Variants in KMT2E observed in about 807,000 individuals in gnomAD.
KMT2E encodes lysine methyltransferase 2E (inactive).
A neutral mutation model predicts 184.6 loss-of-function variants in KMT2E; 30 were observed. The observed-to-expected ratio is 0.16, with a 90% CI of 0.12 to 0.22. The LOEUF (loss-of-function observed/expected upper bound fraction) is 0.22. Ranked by LOEUF, KMT2E falls within the 10% of genes least tolerant of loss-of-function variation. The pLI is 1.00. For synonymous variants in KMT2E, 815 were observed against 776.5 expected, an observed-to-expected ratio of 1.05 and a Z score of -0.82; for missense variants, 2,023 against 2,237.4, an observed-to-expected ratio of 0.90 and a Z score of 1.93.
chr7:105,102,042 C>T lies in KMT2E; in HGVS notation c.2044C>T (p.Pro682Ser), dbSNP rs1231836406. 6.2e-7 allele frequency: 1 copy of T among 1,613,878 alleles called. No individual in the cohort carries two copies. The highest frequency in any genetic ancestry group is 1.3e-5 in the African/African-American group (1 of 75,006). Residue 682 changes from proline (P) to serine (S), a missense_variant, in exon 17 of 27, where the codon CCT becomes TCT. Transcript: ENST00000311117. ...SMCSDIQPSS[P>S]DIEVTSQQND... ...GTGTTCAGATATCCAGCCATCTTCT[C>T]CTGATATAGAAGTTACTTCACAACA... is the stretch of plus-strand genomic sequence containing the variant.
intron 17 of KMT2E, chr7:105,102,809 T>C (rs189524365): frequency 3.9e-5 from 6 of 152,418 alleles, no homozygotes; most frequent in Middle Eastern, 3.4e-3. Flanking sequence ...TGTTTAGGGG[T>C]AGATCATGAA....
intron 13 of KMT2E, 55 bp from the exon 14 acceptor site, chr7:105,089,954 A>G: frequency 1.3e-6 from 2 of 1,577,972 alleles, no homozygotes; most frequent in Non-Finnish European, 1.7e-6. Flanking sequence ...GGATTAGAAA[A>G]TTTCCAGTTT....
chr7:105,034,869 T>TG (rs1795570284), intron 1 of KMT2E, among the ~76,000 whole-genome samples: 1 of 19,904 alleles, frequency 5.0e-5, no homozygotes, highest in African/African-American at 1.9e-4. Context: ...GGTGGGGGGG[T>TG]GGGGGGATGG....
intron 15 of KMT2E, among the ~76,000 whole-genome samples, chr7:105,094,399 A>G (rs1798323256): frequency 6.6e-6 from 1 of 152,208 alleles, no homozygotes; most frequent in African/African-American, 2.4e-5. Context: ...TTATGGAGAT[A>G]CAGGTTGAGT....
At chr7:105,027,074 C>CTTTTTTTT in intron 1 of KMT2E, among the ~76,000 whole-genome samples, 1 of 81,908 alleles carries the variant, frequency 1.2e-5, no homozygotes. Context: ...GCCCCGCCCT[C>CTTTTTTTT]TTTTTTTTTT....
In KMT2E at chr7:105,113,092, C is replaced by T; in HGVS notation, c.5336C>T (p.Pro1779Leu). Reference protein sequence around the residue: ...TTLGPGPQHQPSGTGPHCPLP... With the variant: ...TTLGPGPQHQLSGTGPHCPLP... ...TTGGGACCGGGACCCCAGCACCAGC[C>T]TTCTGGAACAGGGCCACATTGTCCA... Residue 1779 changes from proline (P) to leucine (L), a missense_variant, in exon 27 of 27, where the codon CCT becomes CTT. Coordinates refer to ENST00000311117, the MANE Select transcript of KMT2E (RefSeq NM_182931.3). The T allele has an allele frequency of 6.2e-7, 1 of 1,614,172 alleles. No homozygotes were observed. Among genetic ancestry groups the T allele is most frequent in the Non-Finnish European group, 8.5e-7 (1 of 1,180,040 alleles).
chr7:105,046,722 A>T (rs1796120379), intron 3 of KMT2E, among the ~76,000 whole-genome samples: 1 of 152,210 alleles, frequency 6.6e-6, no homozygotes, highest in South Asian at 2.1e-4. Context: ...GGTTTATAGA[A>T]TTTAACCCTT....
chr7:105,079,285 C>T (rs917385753), intron 12 of KMT2E, among the ~76,000 whole-genome samples: 1 of 151,810 alleles, frequency 6.6e-6, no homozygotes, highest in African/African-American at 2.4e-5. Flanking sequence ...CAGGCACGCA[C>T]CACCATGCCC....
At chr7:105,076,707 G>A (rs775361992) in intron 9 of KMT2E, among the ~76,000 whole-genome samples, 2 of 152,118 alleles carry the variant, frequency 1.3e-5, no homozygotes, top group Non-Finnish European at 2.9e-5. Flanking sequence ...AGGTAGAAAA[G>A]GATAACAAAT....
chr7:105,072,601 G>A (rs192963361), intron 6 of KMT2E, among the ~76,000 whole-genome samples: 160 of 152,278 alleles, frequency 1.1e-3, no homozygotes, highest in Non-Finnish European at 1.7e-3. Context: ...TAGTTCATGG[G>A]TAGAGGTAGG....
At chr7:105,110,918 C>A in intron 26 of KMT2E, 50 bp downstream of exon 26, 3 of 1,270,080 alleles carry the variant, frequency 2.4e-6, no homozygotes, top group Non-Finnish European at 3.5e-6. Context: ...AGGTTGAGTG[C>A]AGAAAAGCTG....
At chr7:105,039,779 G>T (rs1210661365) in intron 2 of KMT2E, among the ~76,000 whole-genome samples, 1 of 151,970 alleles carries the variant, frequency 6.6e-6, no homozygotes, top group Non-Finnish European at 1.5e-5. Context: ...AATATTTCAG[G>T]TATTACATTA....
At chr7:105,054,696 T>C (rs549231639) in intron 3 of KMT2E, among the ~76,000 whole-genome samples, 26 of 152,270 alleles carry the variant, frequency 1.7e-4, no homozygotes, top group African/African-American at 6.0e-4. Context: ...GTATTTTTAG[T>C]AGAGTCAGGG....
chr7:105,086,862 T>C (rs893215531), intron 13 of KMT2E, among the ~76,000 whole-genome samples: 8 of 145,648 alleles, frequency 5.5e-5, no homozygotes, highest in Non-Finnish European at 1.0e-4. Context: ...ATATATAATA[T>C]ATATTAGCAT....
intron 6 of KMT2E, among the ~76,000 whole-genome samples, chr7:105,068,783 A>G (rs917534155): frequency 6.6e-6 from 1 of 151,734 alleles, no homozygotes; most frequent in Non-Finnish European, 1.5e-5. Context: ...CCATGTCTCT[A>G]TGTTAACTAT....
intron 15 of KMT2E, among the ~76,000 whole-genome samples, chr7:105,097,764 T>G (rs1032797257): frequency 6.6e-6 from 1 of 152,196 alleles, no homozygotes; most frequent in African/African-American, 2.4e-5. Flanking sequence ...AATTCAAGAT[T>G]TCCAAAATTG....
chr7:105,102,087 G>C lies in KMT2E; in HGVS notation c.2089G>C (p.Val697Leu). ...ACAACAAAATGATATTGAAAATACTGTACTTACAATAGAACCAGAAACTGA... is the reference window on the plus strand; with the variant it reads ...ACAACAAAATGATATTGAAAATACTCTACTTACAATAGAACCAGAAACTGA... ...TSQQNDIENT[V>L]LTIEPETETA... The change falls in exon 17 of 27, where the codon GTA becomes CTA. Residue 697 changes from valine to leucine, a missense_variant. By Grantham distance (32) the Val-to-Leu change is conservative. Around this residue, in one of 8 missense-constraint regions of KMT2E, gnomAD observed 514 missense variants for 621.8 expected, o/e 0.83. Transcript: ENST00000311117. 1.2e-6 allele frequency: 2 copies of C among 1,613,596 alleles called. No individual in the cohort carries two copies. The highest frequency in any genetic ancestry group is 1.7e-6 in the Non-Finnish European group (2 of 1,179,620).
Position 105,065,058 on chromosome 7 carries a change from T to A in KMT2E, c.416+1478T>A, listed in dbSNP as rs528861271. Among the ~76,000 whole-genome samples the A allele has an allele frequency of 6.4e-4, 98 of 152,318 alleles. No individual in the cohort carries two copies. In the South Asian group the frequency reaches 0.019, roughly 30 times the overall value. On this transcript the variant is annotated intron_variant, in intron 5 of 26. Coordinates refer to ENST00000311117, the MANE Select transcript of KMT2E (RefSeq NM_182931.3). ...ATTATTGAAGGACCAGTTCACAGTT[T>A]TTGGATTATTCAAGTTATTTGCTTC...
intron 17 of KMT2E, 133 bp downstream of exon 17, chr7:105,102,327 T>A: frequency 1.6e-6 from 1 of 638,288 alleles, no homozygotes; most frequent in Non-Finnish European, 2.5e-6. Flanking sequence ...ATTTTAAAAC[T>A]AAGAATGAGA....
Sources: gnomAD v4.1 joint callset for allele counts (sites outside exome capture counted in the v4.1 genomes callset) on GRCh38, gnomAD v4.1.1 for gene constraint, gnomAD v4.1.1 regional missense constraint, MANE v1.5 for transcripts, NCBI Gene and HGNC (gene_info 2026-07-23, HGNC 2026-07-21) for gene names.